PPP1CA: variants seen among roughly 807,000 people sequenced by gnomAD.
PPP1CA encodes the protein protein phosphatase 1 catalytic subunit alpha.
A neutral mutation model predicts 38.5 loss-of-function variants in PPP1CA; 14 were observed. The observed-to-expected ratio is 0.36, with a 90% CI of 0.24 to 0.57. The LOEUF is 0.57. Ranked by LOEUF, PPP1CA falls within the 20% of genes least tolerant of loss-of-function variation. The pLI is 0.80. For synonymous variants in PPP1CA, 200 were observed against 177.3 expected (o/e 1.13, Z -1.02); for missense variants, 277 against 435.2 (o/e 0.64, Z 3.23).
At position 67,398,464 on chromosome 11, in the gene PPP1CA, C is replaced by CA. The variant is rs1296089691; in HGVS notation, c.*70_*71insT. The CA allele has an allele frequency of 2.4e-5, 36 of 1,490,706 alleles. No homozygotes were observed. The highest frequency in any genetic ancestry group is 3.2e-5 in the Non-Finnish European group (35 of 1,082,264). 92.3% of individuals were successfully genotyped at this position (1,490,706 alleles called of 1,614,324 possible). A position where few individuals can be genotyped will look rare whatever the true frequency, so the allele number is the denominator to read the frequency against. On this transcript the variant is annotated 3_prime_UTR_variant, in exon 7 of 7. Transcript: ENST00000376745. ...GTGGGCCTGAGGGGTCGGGGTGACCCCCCCCCAGCATGGCAGCATGATTTC... is the reference window on the plus strand; with the variant it reads ...GTGGGCCTGAGGGGTCGGGGTGACCCACCCCCCAGCATGGCAGCATGATTTC...
chr11:67,401,725 A>T lies in PPP1CA; in HGVS notation c.55+3T>A, dbSNP rs2134989402. 3 of 1,449,746 alleles carry T rather than the reference A, an allele frequency of 2.1e-6. No individual in the cohort carries two copies. In the South Asian group the frequency reaches 4.0e-5, roughly 19 times the overall value. The allele number at this position is 1,449,746 out of a possible 1,614,324, so 89.8% of individuals were successfully genotyped here. On this transcript the variant is annotated splice_donor_region_variant and intron_variant, in intron 1 of 6. Transcript: ENST00000376745. ...GACGCGGGCCTCCCCCGCCCCGACC[A>T]ACCTTCCAGCAGGCGCCCGATGATC...
At chr11:67,401,610 C>T (rs968055963) in intron 1 of PPP1CA, 118 bp downstream of exon 1, 7 of 971,720 alleles carry the variant, frequency 7.2e-6, no homozygotes, top group Non-Finnish European at 9.3e-6. Flanking sequence ...GGCCACGGAA[C>T]CTCGCTGCCC....
chr11:67,398,483 T>A lies in PPP1CA; in HGVS notation c.*52A>T, dbSNP rs184509912. ...GTGACCCCCCCCCAGCATGGCAGCA[T>A]GATTTCTGTACAATCAATCCATCAT... On this transcript the variant is annotated 3_prime_UTR_variant, in exon 7 of 7. Coordinates refer to ENST00000376745, the MANE Select transcript of PPP1CA (RefSeq NM_002708.4). 5.9e-5 allele frequency: 93 copies of A among 1,564,230 alleles called. No homozygotes were observed. In the African/African-American group the frequency reaches 1.1e-3, roughly 19 times the overall value.
intron 6 of PPP1CA, 35 bp downstream of exon 6, chr11:67,398,687 C>G: frequency 6.2e-7 from 1 of 1,613,056 alleles, no homozygotes; most frequent in African/African-American, 1.3e-5. Context: ...GGCTGAGCCA[C>G]AGGGCCTAGC....
chr11:67,401,012 CTG>C (rs1862877760), intron 2 of PPP1CA, 54 bp downstream of exon 2: 1 of 1,610,144 alleles, frequency 6.2e-7, no homozygotes, highest in South Asian at 1.1e-5. Context: ...TCCAGGAACT[CTG>C]TGGGGTCCAG....
chr11:67,400,660 G>T, intron 3 of PPP1CA, 29 bp downstream of exon 3: 1 of 1,604,772 alleles, frequency 6.2e-7, no homozygotes, highest in Non-Finnish European at 8.5e-7. Context: ...TTCAGGACCC[G>T]GGCAGCCCCA....
Position 67,399,151 on chromosome 11 carries a change from TCCGGGGACAGGCCTGGGGGG to T in PPP1CA, c.524-8_535del. On this transcript the variant is annotated splice_acceptor_variant and splice_polypyrimidine_tract_variant and coding_sequence_variant and intron_variant, in exon 5 of 7. Coordinates refer to ENST00000376745, the MANE Select transcript of PPP1CA (RefSeq NM_002708.4). LOFTEE classifies it high-confidence loss of function. ...CCGAATCTGCTCCATAGACTGCAGGTCCGGGGACAGGCCTGGGGGGCCGGGGGAAGGTCACTTCCTCAAAC... is the reference window on the plus strand; with the variant it reads ...CCGAATCTGCTCCATAGACTGCAGGTCCGGGGGAAGGTCACTTCCTCAAAC... The T allele has an allele frequency of 1.2e-6, 2 of 1,613,104 alleles. No individual in the cohort carries two copies. Among genetic ancestry groups the T allele is most frequent in the Non-Finnish European group, 1.7e-6 (2 of 1,179,832 alleles).
At chr11:67,401,038 A>G in intron 2 of PPP1CA, 30 bp downstream of exon 2, 1 of 1,612,376 alleles carries the variant, frequency 6.2e-7, no homozygotes, top group Non-Finnish European at 8.5e-7. Context: ...CACTTTTAGG[A>G]AGGCAAGGGG....
chr11:67,399,216 G>GA lies in PPP1CA; in HGVS notation c.524-54dup. 1.9e-6 allele frequency: 3 copies of GA among 1,540,086 alleles called. No homozygotes were observed. In the South Asian group the frequency reaches 3.4e-5, roughly 17 times the overall value. Reference sequence around the variant, plus strand: ...TCAAACAAGGACATCCTCCCTCCAGGAAGCCTTGGCCAATGAACCCCACCT... The same window carrying GA: ...TCAAACAAGGACATCCTCCCTCCAGGAAAGCCTTGGCCAATGAACCCCACCT... On this transcript the variant is annotated intron_variant, in intron 4 of 6. Transcript: ENST00000376745.
At position 67,398,468 on chromosome 11, in the gene PPP1CA, C is replaced by A. The variant is rs4987213; in HGVS notation, c.*67G>T. 2.0e-6 allele frequency: 3 copies of A among 1,520,836 alleles called. No homozygotes were observed. The Admixed American group carries it at 5.3e-5, about 27-fold the overall frequency. The allele number at this position is 1,520,836 out of a possible 1,614,324, so 94.2% of individuals were successfully genotyped here. ...GCCTGAGGGGTCGGGGTGACCCCCC[C>A]CCAGCATGGCAGCATGATTTCTGTA... On this transcript the variant is annotated 3_prime_UTR_variant, in exon 7 of 7. Coordinates refer to ENST00000376745, the MANE Select transcript of PPP1CA (RefSeq NM_002708.4).
intron 1 of PPP1CA, 53 bp from the exon 2 acceptor site, chr11:67,401,252 C>T (rs750382678): frequency 2.1e-5 from 34 of 1,605,892 alleles, no homozygotes; most frequent in Non-Finnish European, 2.9e-5. Context: ...GGAGGGTGGG[C>T]GACACGGGTG....
At chr11:67,399,757 C>A in intron 3 of PPP1CA, 92 bp from the exon 4 acceptor site, 1 of 1,037,578 alleles carries the variant, frequency 9.6e-7, no homozygotes, top group Non-Finnish European at 1.5e-6. Context: ...AGGAGAGAGT[C>A]AGGCACCGAT....
In PPP1CA at chr11:67,398,364, G is replaced by A. The variant is rs1248908172; in HGVS notation, c.*171C>T. The A allele has an allele frequency of 2.9e-6, 2 of 684,864 alleles. No individual in the cohort carries two copies. Among genetic ancestry groups the A allele is most frequent in the Middle Eastern group, 4.1e-4 (1 of 2,428 alleles). 42.4% of individuals were successfully genotyped at this position (684,864 alleles called of 1,614,324 possible). A position where few individuals can be genotyped will look rare whatever the true frequency, so the allele number is the denominator to read the frequency against. On this transcript the variant is annotated 3_prime_UTR_variant, in exon 7 of 7. Transcript: ENST00000376745. ...AGGTGCAGGCAGGAAGCAGCCCTGGGGGACTGGACGCTGCTATTGATTCAT... is the reference window on the plus strand; with the variant it reads ...AGGTGCAGGCAGGAAGCAGCCCTGGAGGACTGGACGCTGCTATTGATTCAT...
chr11:67,398,698 G>A (rs757030687), intron 6 of PPP1CA, 24 bp downstream of exon 6: 17 of 1,613,114 alleles, frequency 1.1e-5, no homozygotes, highest in Middle Eastern at 1.7e-4. Context: ...AGGGCCTAGC[G>A]GCTCCTTTCT....
In PPP1CA at chr11:67,400,730, T is replaced by A; in HGVS notation, c.377A>T (p.Glu126Val). The change falls in exon 3 of 7, where the codon GAG becomes GTG. Residue 126 changes from glutamate (E) to valine (V), a missense_variant. Glu to Val is a moderately radical substitution (Grantham distance 121). Around this residue, in one of 3 missense-constraint regions of PPP1CA, gnomAD observed 180 missense variants for 356.7 expected, o/e 0.50. Transcript: ENST00000376745. ...ENFFLLRGNH[E>V]CASINRIYGF... ...ATAGATGCGGTTGATGCTGGCACAC[T>A]CGTGGTTCCCACGGAGCAGGAAGAA... 1 of 1,613,944 alleles carries A rather than the reference T, an allele frequency of 6.2e-7. No homozygotes were observed. The highest frequency in any genetic ancestry group is 8.5e-7 in the Non-Finnish European group (1 of 1,180,020).
intron 5 of PPP1CA, 25 bp downstream of exon 5, chr11:67,398,915 C>G: frequency 1.2e-6 from 2 of 1,612,342 alleles, no homozygotes; most frequent in South Asian, 2.2e-5. Context: ...CCTTCCCCTG[C>G]CGCAGGCCGG....
chr11:67,400,555 G>A (rs1862864321), intron 3 of PPP1CA, 134 bp downstream of exon 3: 2 of 888,552 alleles, frequency 2.3e-6, no homozygotes, highest in African/African-American at 1.6e-5. Context: ...CACGAGAACG[G>A]ACCTGGGCCC....
At chr11:67,399,484 G>T in intron 4 of PPP1CA, 77 bp downstream of exon 4, 6 of 1,328,156 alleles carry the variant, frequency 4.5e-6, no homozygotes, top group Non-Finnish European at 6.4e-6. Flanking sequence ...TGACTTCCCA[G>T]ATGAGACCTA....
At position 67,401,137 on chromosome 11, in the gene PPP1CA, G is replaced by A. The variant is rs1862880034; in HGVS notation, c.118C>T (p.Leu40=). The change falls in exon 2 of 7, where the codon CTG becomes TTG. Residue 40 remains leucine, a synonymous_variant. Transcript: ENST00000376745. ...CTCAGAAAAATCTCCCGGGATTTCA[G>A]GCACAGACCGCGGATCTCGTTCTCT... is the stretch of plus-strand genomic sequence containing the variant. ...LTENEIRGLC[L]KSREIFLSQP... is the part of the protein sequence containing the mutation. 3 of 1,613,878 alleles carry A rather than the reference G, an allele frequency of 1.9e-6. No individual in the cohort carries two copies. The African/African-American group carries it at 4.0e-5, about 22-fold the overall frequency.
Sources: allele counts gnomAD v4.1 joint callset, GRCh38; gene constraint gnomAD v4.1.1; regional missense constraint gnomAD v4.1.1; transcripts MANE v1.5; gene names NCBI Gene and HGNC (gene_info 2026-07-23, HGNC 2026-07-21).